TMCO1: variants seen among roughly 807,000 people sequenced by gnomAD.
TMCO1 encodes the protein calcium load-activated calcium channel.
TMCO1 carries 29 observed loss-of-function variants against 29.3 expected under a neutral mutation model. The observed-to-expected ratio is 0.99, with a 90% CI of 0.74 to 1.35. The LOEUF (loss-of-function observed/expected upper bound fraction) is 1.35. TMCO1 is among the 40% of genes most tolerant of loss of function. The pLI, the probability that TMCO1 is intolerant of heterozygous loss-of-function variation, is 0.00. For synonymous variants in TMCO1, 80 were observed against 77.1 expected, an observed-to-expected ratio of 1.04 and a Z score of -0.20; for missense variants, 173 against 225.5, an observed-to-expected ratio of 0.77 and a Z score of 1.49.
chr1:165,768,028 C>T (rs951746011), intron 2 of TMCO1, among the ~76,000 whole-genome samples, 164 bp downstream of exon 2: 5 of 152,210 alleles, frequency 3.3e-5, no homozygotes, highest in African/African-American at 1.2e-4. Flanking sequence ...CCTCACTTCC[C>T]TCTAGTTGGT....
At position 165,742,650 on chromosome 1, in the gene TMCO1, T is replaced by C. The variant is rs539721518; in HGVS notation, c.468+517A>G. On this transcript the variant is annotated intron_variant, in intron 6 of 6. Coordinates refer to ENST00000367881, the MANE Select transcript of TMCO1 (RefSeq NM_019026.6). Reference sequence around the variant, plus strand: ...ACCTTTCCCCACTAATCGAATGTTATAGCTCTCTTCCGGGCCTTCATAACC... The same window carrying C: ...ACCTTTCCCCACTAATCGAATGTTACAGCTCTCTTCCGGGCCTTCATAACC... 3.9e-5 allele frequency among the ~76,000 whole-genome samples: 6 copies of C among 152,320 alleles called. No individual in the cohort carries two copies. The East Asian group carries it at 1.2e-3, about 29-fold the overall frequency.
chr1:165,758,560 AAAAAAC>A (rs1558041074), intron 3 of TMCO1, among the ~76,000 whole-genome samples: 4 of 152,060 alleles, frequency 2.6e-5, no homozygotes. Flanking sequence ...CTGTCTCAAA[AAAAAAC>A]AAAAACAAAA....
chr1:165,737,676 C>T (rs923095112), intron 6 of TMCO1, among the ~76,000 whole-genome samples: 1 of 152,110 alleles, frequency 6.6e-6, no homozygotes, highest in African/African-American at 2.4e-5. Context: ...GGCCAGAAAA[C>T]AGTGGAAAGG....
At chr1:165,739,585 C>T (rs1261953890) in intron 6 of TMCO1, among the ~76,000 whole-genome samples, 3 of 152,060 alleles carry the variant, frequency 2.0e-5, no homozygotes, top group East Asian at 3.9e-4. Flanking sequence ...GATGGGGTCT[C>T]ACCATGTTTC....
At chr1:165,762,442 G>A (rs1458786930) in intron 2 of TMCO1, among the ~76,000 whole-genome samples, 1 of 152,036 alleles carries the variant, frequency 6.6e-6, no homozygotes, top group Non-Finnish European at 1.5e-5. Context: ...GCAATAAAAA[G>A]ACAGAAGGCT....
intron 6 of TMCO1, among the ~76,000 whole-genome samples, chr1:165,736,653 G>A (rs1470347743): frequency 6.7e-6 from 1 of 150,026 alleles, no homozygotes. Context: ...CTGGGAGATG[G>A]AGGTTGCAGT....
At chr1:165,736,800 G>A (rs1309740743) in intron 6 of TMCO1, among the ~76,000 whole-genome samples, 1 of 152,048 alleles carries the variant, frequency 6.6e-6, no homozygotes, top group African/African-American at 2.4e-5. Flanking sequence ...TAGCACACAA[G>A]GTTTTTTTGT....
chr1:165,761,688 T>G (rs1379336416), intron 2 of TMCO1, among the ~76,000 whole-genome samples: 1 of 151,740 alleles, frequency 6.6e-6, no homozygotes, highest in East Asian at 1.9e-4. Context: ...GTGGCTCAGT[T>G]CTGTAAGCCC....
downstream of TMCO1, chr1:165,726,227 C>T: frequency 1.4e-6 from 1 of 699,646 alleles, no homozygotes; most frequent in East Asian, 2.7e-5. Flanking sequence ...CATTAAAAGT[C>T]ATTACCATCC....
chr1:165,765,676 T>C (rs1256520551), intron 2 of TMCO1, among the ~76,000 whole-genome samples: 1 of 152,120 alleles, frequency 6.6e-6, no homozygotes, highest in Non-Finnish European at 1.5e-5. Context: ...GCACATATTG[T>C]AGGGAAGAAC....
intron 6 of TMCO1, among the ~76,000 whole-genome samples, chr1:165,731,189 G>T (rs1462486968): frequency 6.6e-6 from 1 of 152,062 alleles, no homozygotes; most frequent in Non-Finnish European, 1.5e-5. Flanking sequence ...ATGAGCCACC[G>T]TACCTGGCCT....
At chr1:165,734,938 G>A (rs1651311887) in intron 6 of TMCO1, among the ~76,000 whole-genome samples, 2 of 152,112 alleles carry the variant, frequency 1.3e-5, no homozygotes, top group African/African-American at 2.4e-5. Flanking sequence ...GGTAGAAAAC[G>A]GAAGCTCCCT....
At chr1:165,728,221 T>C in intron 6 of TMCO1, 100 bp from the exon 7 acceptor site, 1 of 878,072 alleles carries the variant, frequency 1.1e-6, no homozygotes, top group Non-Finnish European at 1.8e-6. Flanking sequence ...CTCATATAGA[T>C]TAAAGGAACC....
chr1:165,768,633 CCCTTCCT>C, intron 1 of TMCO1, 42 bp downstream of exon 1: 1 of 1,613,692 alleles, frequency 6.2e-7, no homozygotes, highest in Non-Finnish European at 8.5e-7. Context: ...GACCCCGGGG[CCCTTCCT>C]CCCGGGGACT....
At chr1:165,725,314 T>C, downstream of TMCO1, 1 of 454,014 alleles carries the variant, frequency 2.2e-6, no homozygotes, top group Non-Finnish European at 4.4e-6. Context: ...TTGTCTGATG[T>C]AATTTTAAGT....
chr1:165,752,064 A>T, intron 5 of TMCO1, 38 bp downstream of exon 5: 1 of 1,456,248 alleles, frequency 6.9e-7, no homozygotes, highest in South Asian at 1.1e-5. Flanking sequence ...AATATAGAGT[A>T]ATAGTTATTA....
At chr1:165,728,315 G>A (rs1422964899) in intron 6 of TMCO1, among the ~76,000 whole-genome samples, 194 bp from the exon 7 acceptor site, 2 of 151,074 alleles carry the variant, frequency 1.3e-5, no homozygotes, top group Admixed American at 1.3e-4. Context: ...GGAGTGCAGT[G>A]GAGCAATCTT....
At chr1:165,742,989 T>A (rs1651650793) in intron 6 of TMCO1, among the ~76,000 whole-genome samples, 178 bp downstream of exon 6, 1 of 152,192 alleles carries the variant, frequency 6.6e-6, no homozygotes. Context: ...TAAGGATCAG[T>A]CATCTAGACC....
intron 6 of TMCO1, among the ~76,000 whole-genome samples, chr1:165,736,730 A>AC (rs71301025): frequency 0.27 from 40,222 of 150,624 alleles, 5,577 homozygotes; most frequent in Middle Eastern, 0.38. Flanking sequence ...CAAAAAAAAA[A>AC]AAAACAAAAA....
Sources: allele counts gnomAD v4.1 joint callset (sites outside exome capture counted in the v4.1 genomes callset), GRCh38; gene constraint gnomAD v4.1.1; transcripts MANE v1.5; gene names NCBI Gene and HGNC (gene_info 2026-07-23, HGNC 2026-07-21).